The following COX7B2 variants were observed in gnomAD, a reference collection of about 807,000 sequenced individuals.
COX7B2 encodes the protein cytochrome c oxidase subunit 7B2, mitochondrial.
For missense variants in COX7B2, 109 were observed against 95.9 expected, an observed-to-expected ratio of 1.14 and a Z score of -0.57; for synonymous variants, 37 against 32.1, an observed-to-expected ratio of 1.15 and a Z score of -0.51.
chr4:46,822,857 G>A (rs1714401172), intron 2 of COX7B2, among the ~76,000 whole-genome samples: 1 of 152,044 alleles, frequency 6.6e-6, no homozygotes, highest in African/African-American at 2.4e-5. Context: ...TAGCTAGAAA[G>A]AACTTCAGTT....
At chr4:46,811,327 CT>C (rs539721538) in intron 2 of COX7B2, among the ~76,000 whole-genome samples, 1,636 of 144,710 alleles carry the variant, frequency 0.011, 27 homozygotes, top group African/African-American at 0.036. Context: ...GGCCTATAGG[CT>C]TTTTTTTTTT....
intron 1 of COX7B2, among the ~76,000 whole-genome samples, chr4:46,861,675 GT>G (rs1717341709): frequency 6.6e-6 from 1 of 152,134 alleles, no homozygotes; most frequent in South Asian, 2.1e-4. Context: ...ATAGGGAGAG[GT>G]TGCTTAAGTA....
intron 2 of COX7B2, among the ~76,000 whole-genome samples, chr4:46,788,754 G>C (rs1312177634): frequency 6.6e-6 from 1 of 152,122 alleles, no homozygotes; most frequent in Admixed American, 6.5e-5. Flanking sequence ...CATTGTTCCA[G>C]ATTAATGAAA....
At chr4:46,887,589 T>TAGTCCC (rs1719153389) in intron 1 of COX7B2, among the ~76,000 whole-genome samples, 1 of 151,198 alleles carries the variant, frequency 6.6e-6, no homozygotes, top group African/African-American at 2.4e-5. Flanking sequence ...CAGGCGCCTG[T>TAGTCCC]AGTCCCAGCT....
intron 2 of COX7B2, among the ~76,000 whole-genome samples, chr4:46,762,467 G>GTATATATATACTATATATAGTATATA (rs1560362390): frequency 1.4e-4 from 19 of 134,734 alleles, no homozygotes; most frequent in East Asian, 6.3e-4. Context: ...TATAGTATAT[G>GTATATATATACTATATATAGTATATA]TACTATATAT....
chr4:46,748,926 T>A (rs998086737), intron 2 of COX7B2, among the ~76,000 whole-genome samples: 1 of 152,154 alleles, frequency 6.6e-6, no homozygotes, highest in Non-Finnish European at 1.5e-5. Context: ...CCACGTTATA[T>A]CTGCATATAT....
chr4:46,862,167 C>T (rs1560425218), intron 1 of COX7B2, among the ~76,000 whole-genome samples: 6 of 152,198 alleles, frequency 3.9e-5, no homozygotes, highest in Admixed American at 3.9e-4. Flanking sequence ...TCCCTCTCTC[C>T]CCTTATTAAA....
chr4:46,874,137 T>C (rs184896704), intron 1 of COX7B2, among the ~76,000 whole-genome samples: 1 of 152,014 alleles, frequency 6.6e-6, no homozygotes, highest in African/African-American at 2.4e-5. Context: ...GTCTTTTTTT[T>C]AAAAAAAGAA....
intron 2 of COX7B2, among the ~76,000 whole-genome samples, chr4:46,835,296 T>G (rs377305832): frequency 2.6e-5 from 4 of 152,152 alleles, no homozygotes; most frequent in Non-Finnish European, 5.9e-5. Context: ...AGGCTATATG[T>G]TGCAACATTG....
chr4:46,735,929 C>T (rs1048294520), intron 2 of COX7B2, among the ~76,000 whole-genome samples: 2 of 152,108 alleles, frequency 1.3e-5, no homozygotes, highest in African/African-American at 4.8e-5. Flanking sequence ...TCCCATGTAC[C>T]CTGACCCTAT....
chr4:46,886,621 T>C (rs1719099860), intron 1 of COX7B2, among the ~76,000 whole-genome samples: 1 of 152,206 alleles, frequency 6.6e-6, no homozygotes, highest in African/African-American at 2.4e-5. Flanking sequence ...AAGAATTTGA[T>C]ATAAATCTTA....
chr4:46,871,973 A>G (rs1718021484), intron 1 of COX7B2, among the ~76,000 whole-genome samples: 1 of 152,216 alleles, frequency 6.6e-6, no homozygotes, highest in African/African-American at 2.4e-5. Context: ...ATTATTGGGT[A>G]TATACCTAGA....
At chr4:46,771,198 C>T (rs531119264) in intron 2 of COX7B2, among the ~76,000 whole-genome samples, 3 of 152,216 alleles carry the variant, frequency 2.0e-5, no homozygotes, top group South Asian at 2.1e-4. Context: ...ACTGCTAACG[C>T]GTGTATGGAA....
chr4:46,753,783 A>G (rs1715564604), intron 2 of COX7B2, among the ~76,000 whole-genome samples: 1 of 152,068 alleles, frequency 6.6e-6, no homozygotes, highest in East Asian at 1.9e-4. Context: ...GGCAACCTAC[A>G]GAATGGGAGA....
chr4:46,826,631 T>G (rs887535767), intron 2 of COX7B2, among the ~76,000 whole-genome samples: 1 of 152,014 alleles, frequency 6.6e-6, no homozygotes, highest in Non-Finnish European at 1.5e-5. Flanking sequence ...CAATGACAGA[T>G]TGGATAAAGA....
At chr4:46,833,697 G>A (rs1385385537) in intron 2 of COX7B2, among the ~76,000 whole-genome samples, 1 of 152,144 alleles carries the variant, frequency 6.6e-6, no homozygotes, top group Non-Finnish European at 1.5e-5. Flanking sequence ...ATAATACTGT[G>A]ACTTTAACAG....
Position 46,763,243 on chromosome 4 carries a change from C to CAT in COX7B2, c.-49-28004_-49-28003dup, listed in dbSNP as rs1270854154. Among the ~76,000 whole-genome samples the CAT allele has an allele frequency of 2.9e-5, 4 of 136,508 alleles. No homozygotes were observed. In the East Asian group the frequency reaches 8.2e-4, roughly 28 times the overall value. The allele number at this position is 136,508 out of a possible 152,430, so 89.6% of individuals were successfully genotyped here. A position where few individuals can be genotyped will look rare whatever the true frequency, so the allele number is the denominator to read the frequency against. Reference sequence around the variant, plus strand: ...TATATTCATATATATTATATATATACATATATATACACACACACACAATTG... The same window carrying CAT: ...TATATTCATATATATTATATATATACATATATATATACACACACACACAATTG... On this transcript the variant is annotated intron_variant, in intron 2 of 2. Coordinates refer to ENST00000355591, the MANE Select transcript of COX7B2 (RefSeq NM_130902.3).
chr4:46,852,832 T>C (rs1205729846), intron 1 of COX7B2, among the ~76,000 whole-genome samples: 7 of 152,192 alleles, frequency 4.6e-5, no homozygotes, highest in Non-Finnish European at 7.4e-5. Context: ...GAGATCTATC[T>C]AGTGTCACAT....
intron 2 of COX7B2, among the ~76,000 whole-genome samples, chr4:46,749,282 T>A (rs1715204699): frequency 6.6e-6 from 1 of 152,130 alleles, no homozygotes; most frequent in Non-Finnish European, 1.5e-5. Context: ...AATTAAATTT[T>A]AAAATATTTT....
Sources: gnomAD v4.1 joint callset for allele counts (sites outside exome capture counted in the v4.1 genomes callset) on GRCh38, gnomAD v4.1.1 for gene constraint, MANE v1.5 for transcripts, NCBI Gene and HGNC (gene_info 2026-07-23, HGNC 2026-07-21) for gene names.